RARB: variants seen among roughly 807,000 people sequenced by gnomAD.
RARB encodes the protein retinoic acid receptor beta, also known as HBV-activated protein.
A neutral mutation model predicts 51.9 loss-of-function variants in RARB; 17 were observed. The ratio of observed to expected loss-of-function variants is 0.33; its 90% CI spans 0.22 to 0.49. The LOEUF is 0.49. Among genes scored for constraint, RARB ranks in the 20% least tolerant of loss-of-function variants. The pLI, the probability that RARB is intolerant of heterozygous loss-of-function variation, is 0.99. For synonymous variants in RARB, 215 were observed against 195.4 expected (o/e 1.10, Z -0.84); for missense variants, 369 against 550.8 (o/e 0.67, Z 3.30).
chr3:25,208,715 T>C (rs983687071), intron 5 of RARB, among the ~76,000 whole-genome samples: 10 of 152,160 alleles, frequency 6.6e-5, no homozygotes, highest in African/African-American at 2.4e-4. Flanking sequence ...AGAAGAAATG[T>C]ATTTCCTTTC....
chr3:25,360,423 G>A (rs1423904908), intron 5 of RARB, among the ~76,000 whole-genome samples: 3 of 152,048 alleles, frequency 2.0e-5, no homozygotes, highest in Non-Finnish European at 2.9e-5. Flanking sequence ...CTTGACTTTT[G>A]ATCCAATTTG....
At chr3:25,120,263 G>C (rs1409905789) in intron 3 of RARB, among the ~76,000 whole-genome samples, 1 of 152,136 alleles carries the variant, frequency 6.6e-6, no homozygotes, top group Non-Finnish European at 1.5e-5. Context: ...TGGAGAGACA[G>C]TAGAGAGTAG....
At chr3:25,279,985 A>G in intron 5 of RARB, among the ~76,000 whole-genome samples, 1 of 152,178 alleles carries the variant, frequency 6.6e-6, no homozygotes. Context: ...CTCCTCACAC[A>G]TTGCTAGATT....
chr3:25,183,286 A>C (rs1360080057), intron 5 of RARB, among the ~76,000 whole-genome samples: 1 of 152,012 alleles, frequency 6.6e-6, no homozygotes, highest in African/African-American at 2.4e-5. Context: ...TTTTTTTATT[A>C]CTGCATAGCC....
intron 5 of RARB, among the ~76,000 whole-genome samples, chr3:25,218,811 A>C (rs918981171): frequency 6.6e-6 from 1 of 152,202 alleles, no homozygotes; most frequent in African/African-American, 2.4e-5. Flanking sequence ...GAGGTGACTC[A>C]AGGCCTCAGA....
At chr3:25,160,220 A>G (rs1700451376) in intron 4 of RARB, among the ~76,000 whole-genome samples, 1 of 152,258 alleles carries the variant, frequency 6.6e-6, no homozygotes, top group African/African-American at 2.4e-5. Flanking sequence ...CTGCAGATAA[A>G]TAAATGACCT....
intron 5 of RARB, among the ~76,000 whole-genome samples, chr3:25,216,044 A>T (rs1395603646): frequency 1.3e-5 from 2 of 152,202 alleles, no homozygotes; most frequent in Non-Finnish European, 2.9e-5. Flanking sequence ...ACTTAAAAAT[A>T]TGTGCTTGAA....
At chr3:24,859,036 C>CAAAAAAAAA in intron 2 of RARB, among the ~76,000 whole-genome samples, 1 of 50,318 alleles carries the variant, frequency 2.0e-5, no homozygotes, top group Non-Finnish European at 4.3e-5. Flanking sequence ...GACTCTGTCT[C>CAAAAAAAAA]AAAAAAAAAA....
chr3:25,508,547 C>T (rs939528300), intron 3 of RARB, among the ~76,000 whole-genome samples: 4 of 152,156 alleles, frequency 2.6e-5, no homozygotes, highest in African/African-American at 7.2e-5. Flanking sequence ...TTGTAGGTTG[C>T]ACTGTGTAGT....
rs1356186041 is a variant in RARB at position 25,210,276 on chromosome 3, A to G, written c.178+35701A>G. Among the ~76,000 whole-genome samples, 150 of 152,108 alleles carry G rather than the reference A, an allele frequency of 9.9e-4. 1 individual carries two copies. The highest frequency in any genetic ancestry group is 4.4e-5 in the Non-Finnish European group (3 of 68,026). On this transcript the variant is annotated intron_variant, in intron 5 of 11. Coordinates refer to the RARB transcript ENST00000383772. ...TATCATTTCTCCTTCCTGTCCCAAT[A>G]CACCCTGTGCAGCACAGTGCTAGGC...
chr3:25,147,934 A>C (rs1479727809), intron 4 of RARB, among the ~76,000 whole-genome samples: 1 of 152,226 alleles, frequency 6.6e-6, no homozygotes, highest in African/African-American at 2.4e-5. Flanking sequence ...TGTGAGGCAA[A>C]AAGCCAACAC....
At chr3:25,151,727 A>G (rs182124193) in intron 4 of RARB, among the ~76,000 whole-genome samples, 346 of 152,300 alleles carry the variant, frequency 2.3e-3, no homozygotes, top group South Asian at 4.1e-3. Flanking sequence ...GGATGGGCGG[A>G]ACAATAAGTG....
chr3:25,065,981 T>C (rs141562458), intron 3 of RARB, among the ~76,000 whole-genome samples: 136 of 152,318 alleles, frequency 8.9e-4, no homozygotes, highest in Non-Finnish European at 1.4e-3. Flanking sequence ...AGTCATTAAC[T>C]AGTGCAGAAA....
intron 5 of RARB, among the ~76,000 whole-genome samples, chr3:25,248,087 T>C (rs1204727990): frequency 6.6e-6 from 1 of 152,220 alleles, no homozygotes; most frequent in Non-Finnish European, 1.5e-5. Flanking sequence ...TCAGGATTTT[T>C]ATTTCCTCTT....
intron 2 of RARB, among the ~76,000 whole-genome samples, chr3:25,478,311 C>T (rs1312059101): frequency 1.3e-5 from 2 of 152,152 alleles, no homozygotes; most frequent in Non-Finnish European, 2.9e-5. Flanking sequence ...TTATTGTGGC[C>T]ATCTTTGGAA....
chr3:25,365,364 G>A (rs954597341), intron 5 of RARB, among the ~76,000 whole-genome samples: 6 of 151,636 alleles, frequency 4.0e-5, no homozygotes, highest in African/African-American at 7.3e-5. Flanking sequence ...CTCCTGCCTC[G>A]GCCTCTCAAA....
At chr3:25,499,756 T>C (rs970299180) in intron 2 of RARB, among the ~76,000 whole-genome samples, 1 of 152,094 alleles carries the variant, frequency 6.6e-6, no homozygotes, top group Non-Finnish European at 1.5e-5. Context: ...GAGAAAGATA[T>C]TCAGGTAGAT....
intron 2 of RARB, among the ~76,000 whole-genome samples, chr3:24,881,249 G>A (rs1225599102): frequency 6.6e-6 from 1 of 152,124 alleles, no homozygotes; most frequent in Non-Finnish European, 1.5e-5. Context: ...TAAGCCTCTT[G>A]TTTATAAATT....
intron 3 of RARB, among the ~76,000 whole-genome samples, chr3:25,547,767 G>A (rs1313544242): frequency 1.3e-5 from 2 of 152,204 alleles, no homozygotes; most frequent in Non-Finnish European, 2.9e-5. Flanking sequence ...CATAGAGAAG[G>A]CAGAGAGGGA....
Sources: gnomAD v4.1 joint callset for allele counts (sites outside exome capture counted in the v4.1 genomes callset) on GRCh38, gnomAD v4.1.1 for gene constraint, MANE v1.5 for transcripts, NCBI Gene and HGNC (gene_info 2026-07-23, HGNC 2026-07-21) for gene names.